Variants in TLE4 observed in about 807,000 individuals in gnomAD.
The protein encoded by TLE4 is transducin-like enhancer protein 4.
TLE4 carries 8 observed loss-of-function variants against 92.8 expected under a neutral mutation model. The ratio of observed to expected loss-of-function variants is 0.09; its 90% CI spans 0.05 to 0.16. The LOEUF is 0.16. TLE4 is among the 10% of genes least tolerant of loss of function. The pLI is 1.00. For synonymous variants in TLE4, 371 were observed against 374.1 expected, an observed-to-expected ratio of 0.99 and a Z score of 0.10; for missense variants, 675 against 997.6, an observed-to-expected ratio of 0.68 and a Z score of 4.36.
At position 79,718,023 on chromosome 9, in the gene TLE4, C is replaced by T. The variant is rs1450861296; in HGVS notation, c.1341-699C>T. 4 of 456,652 alleles carry T rather than the reference C, an allele frequency of 8.8e-6. No homozygotes were observed. In the East Asian group the frequency reaches 2.8e-4, roughly 32 times the overall value. The allele number at this position is 456,652 out of a possible 1,614,324, so 28.3% of individuals were successfully genotyped here. A position where few individuals can be genotyped will look rare whatever the true frequency, so the allele number is the denominator to read the frequency against. On this transcript the variant is annotated intron_variant, in intron 14 of 19. Coordinates refer to ENST00000376552, the MANE Select transcript of TLE4 (RefSeq NM_007005.6). Reference sequence around the variant, plus strand: ...ACCAAATGCTTTTACCACCTGAGGGCTTTCCCTGGAAATGAACTGGAGATG... The same window carrying T: ...ACCAAATGCTTTTACCACCTGAGGGTTTTCCCTGGAAATGAACTGGAGATG...
chr9:79,573,824 T>C, intron 2 of TLE4, 38 bp downstream of exon 2: 1 of 1,457,816 alleles, frequency 6.9e-7, no homozygotes. Context: ...TCTGTTTGCT[T>C]AGCTCTTGTC....
intron 2 of TLE4, chr9:79,574,328 A>G (rs1468896651): frequency 1.3e-5 from 2 of 152,262 alleles, no homozygotes; most frequent in African/African-American, 4.8e-5. Context: ...TTCTTATTTC[A>G]TAAATGCAAG....
intron 8 of TLE4, chr9:79,671,281 C>G (rs970809514): frequency 4.4e-6 from 2 of 456,178 alleles, no homozygotes; most frequent in African/African-American, 4.0e-5. Flanking sequence ...TCCTGTCAGT[C>G]TAAATCCTGA....
intron 8 of TLE4, among the ~76,000 whole-genome samples, chr9:79,675,550 C>G (rs1252541038): frequency 1.3e-5 from 2 of 152,120 alleles, no homozygotes; most frequent in African/African-American, 4.8e-5. Context: ...TTCATTTATT[C>G]TTCATTTAAC....
intron 8 of TLE4, among the ~76,000 whole-genome samples, chr9:79,703,825 A>G (rs556957319): frequency 1.9e-4 from 29 of 152,288 alleles, no homozygotes; most frequent in African/African-American, 7.0e-4. Context: ...GCCACTCTGT[A>G]TCTTCCAGGC....
chr9:79,620,734 C>T (rs555655419), intron 5 of TLE4, among the ~76,000 whole-genome samples: 1 of 152,086 alleles, frequency 6.6e-6, no homozygotes, highest in Admixed American at 6.6e-5. Flanking sequence ...TAAAGAAATA[C>T]CTGAGACTGG....
At chr9:79,689,163 A>G (rs2066505450) in intron 8 of TLE4, among the ~76,000 whole-genome samples, 1 of 152,068 alleles carries the variant, frequency 6.6e-6, no homozygotes, top group South Asian at 2.1e-4. Flanking sequence ...CTGCAAAACC[A>G]AGGAAATGTG....
At chr9:79,654,579 C>T (rs1477687839) in intron 8 of TLE4, among the ~76,000 whole-genome samples, 1 of 150,470 alleles carries the variant, frequency 6.6e-6, no homozygotes, top group African/African-American at 2.5e-5. Context: ...TTCAAATTAA[C>T]ATTTTGGTAT....
chr9:79,722,680 A>G, intron 18 of TLE4, 79 bp downstream of exon 18: 1 of 1,538,080 alleles, frequency 6.5e-7, no homozygotes. Flanking sequence ...TTCCAAGTCG[A>G]ATCCTTGAGT....
intron 8 of TLE4, among the ~76,000 whole-genome samples, chr9:79,681,762 A>C (rs542539102): frequency 5.3e-4 from 80 of 151,376 alleles, no homozygotes; most frequent in African/African-American, 1.9e-3. Flanking sequence ...AGGGAGAGAA[A>C]GAGAGGGAGG....
In TLE4 at chr9:79,671,688, C is replaced by A. The variant is rs187437357; in HGVS notation, c.609+17613C>A. 2.5e-4 allele frequency: 40 copies of A among 160,774 alleles called. No individual in the cohort carries two copies. In the East Asian group the frequency reaches 6.4e-3, roughly 26 times the overall value. The allele number at this position is 160,774 out of a possible 1,614,324, so 10.0% of individuals were successfully genotyped here. A position where few individuals can be genotyped will look rare whatever the true frequency, so the allele number is the denominator to read the frequency against. On this transcript the variant is annotated intron_variant, in intron 8 of 19. Transcript: ENST00000376552. ...TATTTGCAGCTTCTTTTCTTCAGAC[C>A]GAGTTAACTGAGGAGTCTCACAAGG...
chr9:79,651,739 C>T (rs1044532520), intron 6 of TLE4, among the ~76,000 whole-genome samples: 1 of 152,190 alleles, frequency 6.6e-6, no homozygotes, highest in Non-Finnish European at 1.5e-5. Flanking sequence ...GGGCTTAAAA[C>T]GGTGGCTGCA....
At chr9:79,658,904 T>A (rs1410089594) in intron 8 of TLE4, among the ~76,000 whole-genome samples, 1 of 152,208 alleles carries the variant, frequency 6.6e-6, no homozygotes, top group Non-Finnish European at 1.5e-5. Flanking sequence ...TCTTCTGTTT[T>A]CCCCTCAGTA....
At chr9:79,709,516 T>C in intron 13 of TLE4, 107 bp from the exon 14 acceptor site, 1 of 903,394 alleles carries the variant, frequency 1.1e-6, no homozygotes, top group Non-Finnish European at 1.7e-6. Context: ...TAAAACCTTA[T>C]TTTTAAAGGA....
chr9:79,713,411 G>A (rs1003365362), intron 14 of TLE4, among the ~76,000 whole-genome samples: 18 of 152,118 alleles, frequency 1.2e-4, no homozygotes, highest in Non-Finnish European at 2.9e-5. Flanking sequence ...TATTCTCATC[G>A]CCATGTTTGT....
chr9:79,717,367 T>C (rs1487295016), intron 14 of TLE4, among the ~76,000 whole-genome samples: 1 of 152,148 alleles, frequency 6.6e-6, no homozygotes, highest in Non-Finnish European at 1.5e-5. Context: ...CCAGTGTATC[T>C]CCAAGTCCTG....
At chr9:79,646,111 TG>T (rs1382326441) in intron 6 of TLE4, among the ~76,000 whole-genome samples, 1 of 152,166 alleles carries the variant, frequency 6.6e-6, no homozygotes, top group African/African-American at 2.4e-5. Flanking sequence ...TAGTTTATAA[TG>T]TATCTTAAAT....
chr9:79,575,945 T>A (rs2037617478), intron 3 of TLE4, 188 bp from the exon 4 acceptor site: 1 of 403,320 alleles, frequency 2.5e-6, no homozygotes, highest in Admixed American at 4.3e-5. Context: ...GTGTTTTCTC[T>A]TAGAATTTGT....
intron 6 of TLE4, among the ~76,000 whole-genome samples, chr9:79,646,117 T>C (rs1334324737): frequency 2.0e-5 from 3 of 152,156 alleles, no homozygotes; most frequent in African/African-American, 7.2e-5. Flanking sequence ...ATAATGTATC[T>C]TAAATTACAT....
Sources: allele counts gnomAD v4.1 joint callset (sites outside exome capture counted in the v4.1 genomes callset), GRCh38; gene constraint gnomAD v4.1.1; transcripts MANE v1.5; gene names NCBI Gene and HGNC (gene_info 2026-07-23, HGNC 2026-07-21).